Variants in LIMCH1 observed in about 807,000 individuals in gnomAD.
LIMCH1 encodes LIM and calponin homology domains 1, also known as LIM and calponin homology domains-containing protein 1.
A neutral mutation model predicts 176.5 loss-of-function variants in LIMCH1; 113 were observed. The observed-to-expected ratio is 0.64, with a 90% CI of 0.55 to 0.75. The LOEUF (loss-of-function observed/expected upper bound fraction) is 0.75. Ranked by LOEUF, LIMCH1 falls within the 30% of genes least tolerant of loss-of-function variation. LIMCH1 has a pLI of 0.00. For synonymous variants in LIMCH1, 619 were observed against 645.9 expected (o/e 0.96, Z 0.63); for missense variants, 1,674 against 1,814.9 (o/e 0.92, Z 1.41).
intron 1 of LIMCH1, among the ~76,000 whole-genome samples, chr4:41,547,401 A>G (rs915444881): frequency 6.6e-5 from 10 of 151,910 alleles, no homozygotes; most frequent in African/African-American, 2.4e-5. Context: ...TATAAGTGAG[A>G]TCATGTGGTA....
chr4:41,524,258 C>A, intron 2 of LIMCH1: 1 of 670,988 alleles, frequency 1.5e-6, no homozygotes, highest in South Asian at 1.7e-5. Context: ...CACTTATATG[C>A]ATGAAGGCTG....
intron 1 of LIMCH1, among the ~76,000 whole-genome samples, chr4:41,482,966 T>C (rs1300093430): frequency 6.6e-6 from 1 of 152,110 alleles, no homozygotes; most frequent in Non-Finnish European, 1.5e-5. Flanking sequence ...GGCTGAGCTA[T>C]GATGATAGGG....
intron 30 of LIMCH1, among the ~76,000 whole-genome samples, chr4:41,691,381 C>T (rs1303028654): frequency 6.6e-6 from 1 of 152,116 alleles, no homozygotes; most frequent in African/African-American, 2.4e-5. Flanking sequence ...TTTCTGCACT[C>T]AGCCTGTGTT....
At chr4:41,485,211 T>C (rs146071097) in intron 1 of LIMCH1, among the ~76,000 whole-genome samples, 59 of 152,322 alleles carry the variant, frequency 3.9e-4, no homozygotes, top group African/African-American at 1.4e-3. Context: ...AGAAACATAA[T>C]TACCTTTTAG....
chr4:41,361,068 A>T, intron 1 of LIMCH1: 2 of 516,190 alleles, frequency 3.9e-6, no homozygotes, highest in Non-Finnish European at 6.7e-6. Context: ...GCTCCAGGTC[A>T]CCCCCCCGGG....
At chr4:41,524,569 C>A in intron 3 of LIMCH1, 1 of 921,436 alleles carries the variant, frequency 1.1e-6, no homozygotes, top group Non-Finnish European at 1.8e-6. Flanking sequence ...TTCTCTCCTG[C>A]AATATATATT....
At chr4:41,654,604 A>C (rs117662431) in intron 18 of LIMCH1, among the ~76,000 whole-genome samples, 1 of 152,162 alleles carries the variant, frequency 6.6e-6, no homozygotes, top group African/African-American at 2.4e-5. Flanking sequence ...CAAGATCTTC[A>C]TAGGCTGAGT....
At chr4:41,589,153 A>T (rs978407626) in intron 1 of LIMCH1, among the ~76,000 whole-genome samples, 5 of 152,236 alleles carry the variant, frequency 3.3e-5, no homozygotes, top group Non-Finnish European at 5.9e-5. Flanking sequence ...CAAAGTTTGT[A>T]AATGAAAGAG....
intron 13 of LIMCH1, among the ~76,000 whole-genome samples, chr4:41,636,583 A>G (rs1221016780): frequency 6.6e-6 from 1 of 151,958 alleles, no homozygotes; most frequent in Non-Finnish European, 1.5e-5. Flanking sequence ...TTTCTCTTCA[A>G]TTTCTAGAGC....
chr4:41,612,425 A>T, intron 4 of LIMCH1: 1 of 634,874 alleles, frequency 1.6e-6, no homozygotes, highest in Non-Finnish European at 2.8e-6. Context: ...GTCTTTGCGG[A>T]TGAGAACATG....
chr4:41,460,478 A>G (rs1047855212), intron 1 of LIMCH1, among the ~76,000 whole-genome samples: 2 of 145,080 alleles, frequency 1.4e-5, no homozygotes, highest in South Asian at 2.2e-4. Context: ...ATATATATAT[A>G]TCTTATAATA....
At chr4:41,607,354 A>G (rs2090865872) in intron 4 of LIMCH1, among the ~76,000 whole-genome samples, 1 of 152,270 alleles carries the variant, frequency 6.6e-6, no homozygotes, top group Non-Finnish European at 1.5e-5. Flanking sequence ...TAAATGGCCA[A>G]AGCTTTCATA....
chr4:41,641,325 T>A lies in LIMCH1; in HGVS notation c.2126+2358T>A, dbSNP rs146522193. On this transcript the variant is annotated intron_variant, in intron 14 of 31. Coordinates refer to ENST00000503057, the MANE Select transcript of LIMCH1 (RefSeq NM_001330672.2). ...CAAGTCTAACCTGAACTAGGGAACA[T>A]GTTCTGAATGACAACTCAGCCCATT... Among the ~76,000 whole-genome samples the A allele has an allele frequency of 3.2e-3, 487 of 152,326 alleles. 3 individuals carry two copies. Among genetic ancestry groups the A allele is most frequent in the South Asian group, 0.019 (93 of 4,822 alleles).
At chr4:41,368,481 AG>A (rs1031999126) in intron 1 of LIMCH1, among the ~76,000 whole-genome samples, 14 of 151,962 alleles carry the variant, frequency 9.2e-5, no homozygotes, top group African/African-American at 3.1e-4. Flanking sequence ...AGAATGGGGC[AG>A]GGGGGATTAA....
At chr4:41,359,902 C>G (rs796837793), upstream of LIMCH1, 26 of 152,276 alleles carry the variant, frequency 1.7e-4, no homozygotes, top group African/African-American at 6.0e-4. Flanking sequence ...TAACAACACC[C>G]GCCACAATTA....
chr4:41,625,114 C>T (rs951130480), intron 7 of LIMCH1, among the ~76,000 whole-genome samples: 1 of 152,148 alleles, frequency 6.6e-6, no homozygotes, highest in Non-Finnish European at 1.5e-5. Context: ...CTGGCCTGCC[C>T]CTTGAGTATA....
intron 1 of LIMCH1, among the ~76,000 whole-genome samples, chr4:41,555,707 A>C (rs1209994251): frequency 6.6e-6 from 1 of 152,128 alleles, no homozygotes; most frequent in Non-Finnish European, 1.5e-5. Context: ...TCTATAAACA[A>C]GGGTGTAAAG....
chr4:41,494,760 G>A (rs2071770980), intron 2 of LIMCH1, among the ~76,000 whole-genome samples: 1 of 152,126 alleles, frequency 6.6e-6, no homozygotes, highest in Admixed American at 6.6e-5. Context: ...AACACAAGTC[G>A]GTGTGGGAGC....
Position 41,662,830 on chromosome 4 carries a change from A to G in LIMCH1, c.3137A>G (p.His1046Arg). The change falls in exon 20 of 32, where the codon CAT becomes CGT. Residue 1046 changes from histidine to arginine, a missense_variant. By Grantham distance (29) the His-to-Arg change is conservative. This residue lies in a region of LIMCH1 where 1,015 missense variants were observed against 1,102.5 expected (regional missense o/e 0.92). Transcript: ENST00000503057. ...TGTAACTCCATTGCAGAACCACAGC[A>G]TTTTACAACAACTGTGACTCGATGC... is the stretch of plus-strand genomic sequence containing the variant. ...NIELASSEPQ[H>R]FTTTVTRCSP... is the part of the protein sequence containing the mutation. 1.9e-6 allele frequency: 3 copies of G among 1,613,958 alleles called. No individual in the cohort carries two copies. Among genetic ancestry groups the G allele is most frequent in the Non-Finnish European group, 2.5e-6 (3 of 1,179,960 alleles).
Sources: gnomAD v4.1 joint callset for allele counts (sites outside exome capture counted in the v4.1 genomes callset) on GRCh38, gnomAD v4.1.1 for gene constraint, gnomAD v4.1.1 regional missense constraint, MANE v1.5 for transcripts, NCBI Gene and HGNC (gene_info 2026-07-23, HGNC 2026-07-21) for gene names.